SLIT3: variants seen among roughly 807,000 people sequenced by gnomAD.
SLIT3 encodes the protein slit homolog 3 protein.
A neutral mutation model predicts 184.0 loss-of-function variants in SLIT3; 68 were observed. That is an observed-to-expected ratio of 0.37 (90% CI 0.30 to 0.45). The LOEUF (loss-of-function observed/expected upper bound fraction) is 0.45, where lower values mean the gene tolerates loss of function less well. Ranked by LOEUF, SLIT3 falls within the 20% of genes least tolerant of loss-of-function variation. The probability of loss-of-function intolerance (pLI) is 1.00; values close to 1 mark genes in which losing one functional copy is unlikely to be tolerated. For synonymous variants in SLIT3, 831 were observed against 828.6 expected, an observed-to-expected ratio of 1.00 and a Z score of -0.05; for missense variants, 1,707 against 2,026.0, an observed-to-expected ratio of 0.84 and a Z score of 3.02.
At position 168,737,967 on chromosome 5, in the gene SLIT3, C is replaced by T. The variant is rs76877372; in HGVS notation, c.2270+10335G>A. On this transcript the variant is annotated intron_variant, in intron 20 of 35. Transcript: ENST00000519560. ...TGGTGACTTTGAGGGCTGAGATGTC[C>T]TGTATTTGCTTCTGTCCTGCTTTCC... Among the ~76,000 whole-genome samples, 236 of 152,300 alleles carry T rather than the reference C, an allele frequency of 1.5e-3. 2 individuals carry two copies. The highest frequency in any genetic ancestry group is 3.0e-3 in the Non-Finnish European group (204 of 68,018).
intron 4 of SLIT3, among the ~76,000 whole-genome samples, chr5:168,966,989 A>G (rs1763217225): frequency 6.6e-6 from 1 of 152,184 alleles, no homozygotes; most frequent in Admixed American, 6.5e-5. Flanking sequence ...GCCCCCCAAA[A>G]ATATATGTAC....
At chr5:169,039,508 G>A (rs1439141210) in intron 4 of SLIT3, among the ~76,000 whole-genome samples, 2 of 151,868 alleles carry the variant, frequency 1.3e-5, no homozygotes, top group Admixed American at 1.3e-4. Flanking sequence ...TAGTAGAGAC[G>A]GGGTTTCACC....
chr5:168,810,597 C>T (rs1300732670), intron 8 of SLIT3, among the ~76,000 whole-genome samples: 1 of 152,244 alleles, frequency 6.6e-6, no homozygotes. Context: ...CAATACGCGT[C>T]TCCCCTCTGG....
At chr5:169,126,668 GA>G (rs1761092033) in intron 4 of SLIT3, among the ~76,000 whole-genome samples, 1 of 152,184 alleles carries the variant, frequency 6.6e-6, no homozygotes, top group Non-Finnish European at 1.5e-5. Flanking sequence ...TTAACCAGTG[GA>G]GGCACCAGGG....
At chr5:168,825,811 G>A (rs552229419) in intron 6 of SLIT3, among the ~76,000 whole-genome samples, 2 of 152,332 alleles carry the variant, frequency 1.3e-5, no homozygotes, top group Admixed American at 6.5e-5. Flanking sequence ...CTTCCTGGGG[G>A]TGAGGGCTAT....
chr5:168,807,637 C>A (rs998105100), intron 8 of SLIT3, among the ~76,000 whole-genome samples: 2 of 152,268 alleles, frequency 1.3e-5, no homozygotes, highest in African/African-American at 2.4e-5. Context: ...TGACTGAGAC[C>A]AAACTTAGAT....
chr5:169,277,475 C>T (rs912918177), intron 1 of SLIT3, among the ~76,000 whole-genome samples: 3 of 152,126 alleles, frequency 2.0e-5, no homozygotes, highest in South Asian at 4.1e-4. Flanking sequence ...TGGGTTCAAG[C>T]GATCTGCCTG....
chr5:168,893,499 G>T (rs1358211573), intron 4 of SLIT3, among the ~76,000 whole-genome samples: 1 of 152,240 alleles, frequency 6.6e-6, no homozygotes, highest in East Asian at 1.9e-4. Context: ...GGGAAGGCAG[G>T]GGGAGGAGAG....
intron 4 of SLIT3, among the ~76,000 whole-genome samples, chr5:169,040,201 G>C (rs1757402429): frequency 6.6e-6 from 1 of 152,194 alleles, no homozygotes; most frequent in South Asian, 2.1e-4. Flanking sequence ...CAGCCCGTCA[G>C]CTCTGTTAGG....
intron 2 of SLIT3, among the ~76,000 whole-genome samples, chr5:169,251,026 G>A (rs1765756250): frequency 6.6e-6 from 1 of 152,150 alleles, no homozygotes; most frequent in Admixed American, 6.5e-5. Context: ...TGTCCTGATT[G>A]CTCTTTTAAT....
chr5:169,074,611 T>TA (rs1205780908), intron 4 of SLIT3, among the ~76,000 whole-genome samples: 2 of 152,128 alleles, frequency 1.3e-5, no homozygotes, highest in Non-Finnish European at 2.9e-5. Context: ...AGGTCTCAAG[T>TA]TTCACCTTTT....
At chr5:168,985,623 T>C (rs1180136141) in intron 4 of SLIT3, among the ~76,000 whole-genome samples, 2 of 152,198 alleles carry the variant, frequency 1.3e-5, no homozygotes, top group African/African-American at 4.8e-5. Context: ...TGGTCTGGGC[T>C]AAGGCAATTA....
intron 16 of SLIT3, 123 bp downstream of exon 16, chr5:168,760,739 A>T: frequency 1.4e-6 from 1 of 706,918 alleles, no homozygotes. Context: ...GGGGCTGAGG[A>T]GAAGGCTGGG....
At chr5:168,824,575 G>C (rs191878577) in intron 6 of SLIT3, among the ~76,000 whole-genome samples, 83 of 152,274 alleles carry the variant, frequency 5.5e-4, no homozygotes, top group African/African-American at 1.8e-3. Flanking sequence ...TTACTTCAGT[G>C]ACTACCCAGG....
chr5:169,037,735 G>C (rs911703338), intron 4 of SLIT3: 1 of 152,302 alleles, frequency 6.6e-6, no homozygotes, highest in Admixed American at 6.5e-5. Flanking sequence ...AGGGGACAGA[G>C]TAGGCCCTGA....
At chr5:169,266,595 C>A (rs1312471997) in intron 1 of SLIT3, among the ~76,000 whole-genome samples, 1 of 152,156 alleles carries the variant, frequency 6.6e-6, no homozygotes, top group Non-Finnish European at 1.5e-5. Context: ...GATCATAAGC[C>A]ACCTACCACC....
chr5:169,225,688 G>A (rs937752093), intron 3 of SLIT3, among the ~76,000 whole-genome samples: 13 of 152,192 alleles, frequency 8.5e-5, no homozygotes, highest in African/African-American at 2.9e-4. Context: ...AAAAATGAAT[G>A]GCAGTTGCCA....
At chr5:168,726,944 G>C (rs1200178945) in intron 20 of SLIT3, among the ~76,000 whole-genome samples, 3 of 151,154 alleles carry the variant, frequency 2.0e-5, no homozygotes, top group African/African-American at 7.3e-5. Flanking sequence ...CCAGGAGGCA[G>C]AGGTTGCAGT....
chr5:168,951,652 A>C (rs926305044), intron 4 of SLIT3, among the ~76,000 whole-genome samples: 1 of 152,154 alleles, frequency 6.6e-6, no homozygotes, highest in African/African-American at 2.4e-5. Flanking sequence ...TGCTTTTGAC[A>C]ATAGGAAGGA....
Sources: allele counts gnomAD v4.1 joint callset (sites outside exome capture counted in the v4.1 genomes callset), GRCh38; gene constraint gnomAD v4.1.1; transcripts MANE v1.5; gene names NCBI Gene and HGNC (gene_info 2026-07-23, HGNC 2026-07-21).